PCDHGA7: variants seen among roughly 807,000 people sequenced by gnomAD.
PCDHGA7 encodes protocadherin gamma-A7.
In PCDHGA7, 44 loss-of-function variants were observed where a neutral mutation model predicts 58.3. The ratio of observed to expected loss-of-function variants is 0.75; its 90% CI spans 0.59 to 0.97. The LOEUF is 0.97. Among genes scored for constraint, PCDHGA7 ranks in the 50% least tolerant of loss-of-function variants. The pLI, the probability that PCDHGA7 is intolerant of heterozygous loss-of-function variation, is 0.00. For missense variants in PCDHGA7, 1,266 were observed against 1,188.7 expected, an observed-to-expected ratio of 1.06 and a Z score of -0.96; for synonymous variants, 516 against 504.2, an observed-to-expected ratio of 1.02 and a Z score of -0.31.
At chr5:141,502,134 C>T (rs566073996) in intron 2 of PCDHGA7, among the ~76,000 whole-genome samples, 10 of 152,288 alleles carry the variant, frequency 6.6e-5, no homozygotes, top group African/African-American at 2.2e-4. Flanking sequence ...AGAGCTCAGT[C>T]GGGCCGGAAG....
At chr5:141,500,355 C>G (rs539892249) in intron 2 of PCDHGA7, among the ~76,000 whole-genome samples, 2 of 151,912 alleles carry the variant, frequency 1.3e-5, no homozygotes, top group Non-Finnish European at 2.9e-5. Flanking sequence ...ACTACAGGCG[C>G]CCACTACCAC....
intron 2 of PCDHGA7, among the ~76,000 whole-genome samples, chr5:141,495,296 T>TCCTCCAGAG (rs998633800): frequency 1.3e-5 from 2 of 152,054 alleles, no homozygotes; most frequent in Non-Finnish European, 2.9e-5. Flanking sequence ...ACTCAGCGCC[T>TCCTCCAGAG]CCTCCAGAGC....
chr5:141,487,423 C>T lies in PCDHGA7; in HGVS notation c.2425-7384C>T. 1 of 1,614,158 alleles carries T rather than the reference C, an allele frequency of 6.2e-7. No homozygotes were observed. Among genetic ancestry groups the T allele is most frequent in the Non-Finnish European group, 8.5e-7 (1 of 1,180,012 alleles). On this transcript the variant is annotated intron_variant, in intron 1 of 3. Transcript: ENST00000518325. The surrounding 1 kb of genome is among the most constrained non-coding windows in gnomAD (Gnocchi z 5.0). ...GGCTTCCCCCTTCCAATGGGATCCTCCGAATCCAGCTAGGGTCAGATGACC... is the reference window on the plus strand; with the variant it reads ...GGCTTCCCCCTTCCAATGGGATCCTTCGAATCCAGCTAGGGTCAGATGACC...
At chr5:141,498,830 G>T (rs2099786149) in intron 2 of PCDHGA7, among the ~76,000 whole-genome samples, 1 of 152,080 alleles carries the variant, frequency 6.6e-6, no homozygotes, top group Non-Finnish European at 1.5e-5. Context: ...CTACTCAGGA[G>T]GCTGAGGCAG....
chr5:141,389,095 CAG>C (rs759384103), intron 1 of PCDHGA7: 4 of 1,613,906 alleles, frequency 2.5e-6, no homozygotes, highest in South Asian at 2.2e-5. Flanking sequence ...AAATTAGTGA[CAG>C]ATGCTGTTCT....
rs1274561417 is a variant in PCDHGA7 at position 141,385,194 on chromosome 5, G to A, written c.2295G>A (p.Lys765=). The A allele has an allele frequency of 1.2e-6, 2 of 1,614,124 alleles. No individual in the cohort carries two copies. The highest frequency in any genetic ancestry group is 1.7e-6 in the Non-Finnish European group (2 of 1,180,064). Reference sequence around the variant, plus strand: ...TCTCCCTCACCGCGGACTCTCGGAAGAGTCACCTGATCTTCCCCCAGCCCA... The same window carrying A: ...TCTCCCTCACCGCGGACTCTCGGAAAAGTCACCTGATCTTCCCCCAGCCCA... ...HEVSLTADSR[K]SHLIFPQPNY... Residue 765 remains lysine (K), a synonymous_variant, in exon 1 of 4, where the codon AAG becomes AAA. Coordinates refer to ENST00000518325, the MANE Select transcript of PCDHGA7 (RefSeq NM_018920.4).
chr5:141,432,745 G>A lies in PCDHGA7; in HGVS notation c.2424+47422G>A, dbSNP rs138883931. ...TCTCCGCCACTGTCACGCTCACCGT[G>A]GCCGTGGCCGACAGCATCCCCCAAG... On this transcript the variant is annotated intron_variant, in intron 1 of 3. Coordinates refer to ENST00000518325, the MANE Select transcript of PCDHGA7 (RefSeq NM_018920.4). This position sits in a 1 kb window ranked among gnomAD's most constrained non-coding sequence, Gnocchi z 6.0. 311 of 1,614,110 alleles carry A rather than the reference G, an allele frequency of 1.9e-4. No individual in the cohort carries two copies. The African/African-American group carries it at 3.5e-3, about 18-fold the overall frequency.
chr5:141,389,847 A>T (rs541124715), intron 1 of PCDHGA7: 1 of 1,614,066 alleles, frequency 6.2e-7, no homozygotes, highest in African/African-American at 1.3e-5. Flanking sequence ...ACTCTCGGCC[A>T]CTGCCACGTT....
Position 141,476,659 on chromosome 5 carries a change from G to C in PCDHGA7, c.2425-18148G>C. On this transcript the variant is annotated intron_variant, in intron 1 of 3. Transcript: ENST00000518325. This position sits in a 1 kb window ranked among gnomAD's most constrained non-coding sequence, Gnocchi z 7.6. ...AGCTGAGCCGAAATGAATACTTTGCGCTTCGCGTGCAGACGCGGGAGGACA... is the reference window on the plus strand; with the variant it reads ...AGCTGAGCCGAAATGAATACTTTGCCCTTCGCGTGCAGACGCGGGAGGACA... 1 of 1,614,252 alleles carries C rather than the reference G, an allele frequency of 6.2e-7. No individual in the cohort carries two copies. The highest frequency in any genetic ancestry group is 8.5e-7 in the Non-Finnish European group (1 of 1,180,048).
chr5:141,436,813 G>A (rs537103294), intron 1 of PCDHGA7, among the ~76,000 whole-genome samples: 91 of 152,320 alleles, frequency 6.0e-4, no homozygotes, highest in Non-Finnish European at 1.1e-3. Flanking sequence ...TGTGACAGCT[G>A]GTTTAAAAAT....
intron 1 of PCDHGA7, chr5:141,422,905 G>A: frequency 6.2e-7 from 1 of 1,614,260 alleles, no homozygotes; most frequent in South Asian, 1.1e-5. Flanking sequence ...GAACGACAAT[G>A]CGCCCGAGAT....
rs1485669709 is a variant in PCDHGA7 at position 141,432,989 on chromosome 5, G to A, written c.2424+47666G>A. On this transcript the variant is annotated intron_variant, in intron 1 of 3. Coordinates refer to ENST00000518325, the MANE Select transcript of PCDHGA7 (RefSeq NM_018920.4). The surrounding 1 kb of genome is among the most constrained non-coding windows in gnomAD (Gnocchi z 6.0). ...GCCGGCGTCGCACTTTGTGGGCGTG[G>A]ACGGGGTGCAGGCTTTCCTGCAGAC... The A allele has an allele frequency of 1.9e-6, 3 of 1,614,210 alleles. No individual in the cohort carries two copies. The highest frequency in any genetic ancestry group is 1.3e-5 in the African/African-American group (1 of 75,066).
At chr5:141,510,509 C>G (rs146315792) in intron 3 of PCDHGA7, among the ~76,000 whole-genome samples, 13 of 152,204 alleles carry the variant, frequency 8.5e-5, no homozygotes, top group Non-Finnish European at 1.6e-4. Flanking sequence ...ACTGAGAGCC[C>G]GTGTCACAGC....
At chr5:141,504,483 AGGCACC>A (rs2099838618) in intron 2 of PCDHGA7, among the ~76,000 whole-genome samples, 1 of 151,954 alleles carries the variant, frequency 6.6e-6, no homozygotes, top group Non-Finnish European at 1.5e-5. Flanking sequence ...AGTACAGTGG[AGGCACC>A]TGCCCAGTCT....
rs1407774111 is a variant in PCDHGA7 at position 141,431,569 on chromosome 5, C to G, written c.2424+46246C>G. On this transcript the variant is annotated intron_variant, in intron 1 of 3. Transcript: ENST00000518325. The surrounding 1 kb of genome is among the most constrained non-coding windows in gnomAD (Gnocchi z 4.8). Reference sequence around the variant, plus strand: ...TTGTAGTCAACGCTACCGACCCTGACGAAGGAGTCAATGCGGAAGTGAGGT... The same window carrying G: ...TTGTAGTCAACGCTACCGACCCTGAGGAAGGAGTCAATGCGGAAGTGAGGT... 5.6e-6 allele frequency: 9 copies of G among 1,614,000 alleles called. No homozygotes were observed. Among genetic ancestry groups the G allele is most frequent in the African/African-American group, 2.7e-5 (2 of 74,932 alleles).
rs755930967 is a variant in PCDHGA7, at chr5:141,388,629, G to C, written c.2424+3306G>C. On this transcript the variant is annotated intron_variant, in intron 1 of 3. Transcript: ENST00000518325. ...AGTGTTCAGTCAAGACGTATACAGG[G>C]TGAGCCTTTCAGAAAACGTGTACCC... 13 of 1,613,824 alleles carry C rather than the reference G, an allele frequency of 8.1e-6. No individual in the cohort carries two copies. Among genetic ancestry groups the C allele is most frequent in the African/African-American group, 1.3e-5 (1 of 74,914 alleles).
At chr5:141,411,578 T>C (rs892738350) in intron 1 of PCDHGA7, 10 of 152,194 alleles carry the variant, frequency 6.6e-5, no homozygotes, top group African/African-American at 2.4e-4. Flanking sequence ...AGTGCGACCC[T>C]GTCTCTAAAA....
At chr5:141,417,440 T>C (rs889107076) in intron 1 of PCDHGA7, 1 of 166,232 alleles carries the variant, frequency 6.0e-6, no homozygotes, top group African/African-American at 2.4e-5. Flanking sequence ...TAAAAAGATA[T>C]GATAGTTATG....
Position 141,490,772 on chromosome 5 carries a change from C to T in PCDHGA7, c.2425-4035C>T. ...GCCTCCTCCTTTGTGTATGTCAACC[C>T]AGAGGATGGACGGATCTTTGCCCAG... On this transcript the variant is annotated intron_variant, in intron 1 of 3. Coordinates refer to ENST00000518325, the MANE Select transcript of PCDHGA7 (RefSeq NM_018920.4). This position sits in a 1 kb window ranked among gnomAD's most constrained non-coding sequence, Gnocchi z 5.4. 6.2e-7 allele frequency: 1 copy of T among 1,614,164 alleles called. No homozygotes were observed. The highest frequency in any genetic ancestry group is 1.1e-5 in the South Asian group (1 of 91,082).
Sources: allele counts gnomAD v4.1 joint callset (sites outside exome capture counted in the v4.1 genomes callset), GRCh38; gene constraint gnomAD v4.1.1; non-coding constraint Gnocchi (gnomAD v3.1); transcripts MANE v1.5; gene names NCBI Gene and HGNC (gene_info 2026-07-23, HGNC 2026-07-21).